Variants in IMMP2L observed in about 807,000 individuals in gnomAD.
The protein encoded by IMMP2L is inner mitochondrial membrane peptidase subunit 2.
IMMP2L carries 18 observed loss-of-function variants against 19.3 expected under a neutral mutation model. That is an observed-to-expected ratio of 0.93 (90% CI 0.64 to 1.38). The LOEUF (loss-of-function observed/expected upper bound fraction) is 1.38. Among genes scored for constraint, IMMP2L ranks in the 40% most tolerant of loss-of-function variants. IMMP2L has a pLI of 0.00. For synonymous variants in IMMP2L, 76 were observed against 73.0 expected (o/e 1.04, Z -0.21); for missense variants, 233 against 218.2 (o/e 1.07, Z -0.43).
chr7:110,922,103 T>C (rs1814358964), intron 4 of IMMP2L, among the ~76,000 whole-genome samples: 6 of 152,208 alleles, frequency 3.9e-5, no homozygotes. Flanking sequence ...AACTCTCATA[T>C]GACAGAGTGC....
At chr7:111,536,455 A>G (rs1585569865) in intron 1 of IMMP2L, among the ~76,000 whole-genome samples, 1 of 151,882 alleles carries the variant, frequency 6.6e-6, no homozygotes, top group East Asian at 1.9e-4. Context: ...ACAGATGCAC[A>G]CCACCAGGCC....
intron 5 of IMMP2L, among the ~76,000 whole-genome samples, chr7:110,798,446 C>T (rs1364030576): frequency 6.6e-6 from 1 of 151,908 alleles, no homozygotes. Context: ...TACTACCTGA[C>T]TCATAGGAGA....
intron 5 of IMMP2L, among the ~76,000 whole-genome samples, chr7:110,836,920 G>T (rs2131416450): frequency 6.6e-6 from 1 of 152,208 alleles, no homozygotes; most frequent in Non-Finnish European, 1.5e-5. Flanking sequence ...ATGGCCATGT[G>T]AATTACCACA....
intron 5 of IMMP2L, among the ~76,000 whole-genome samples, chr7:110,671,161 A>G (rs1441129436): frequency 6.6e-6 from 1 of 152,196 alleles, no homozygotes; most frequent in Non-Finnish European, 1.5e-5. Context: ...ACTTGCCCCT[A>G]TGGTAGAGTG....
intron 3 of IMMP2L, among the ~76,000 whole-genome samples, chr7:111,082,874 ATG>A (rs1563222922): frequency 1.3e-4 from 20 of 151,028 alleles, no homozygotes; most frequent in African/African-American, 4.9e-4. Context: ...AAAAAAAAAA[ATG>A]ACACGTGTTG....
intron 4 of IMMP2L, among the ~76,000 whole-genome samples, chr7:110,933,914 T>G (rs1179121433): frequency 6.6e-6 from 1 of 152,236 alleles, no homozygotes; most frequent in African/African-American, 2.4e-5. Flanking sequence ...CTTCTCTAGT[T>G]CTTTTAATTG....
chr7:110,944,054 G>C (rs945759260), intron 4 of IMMP2L, among the ~76,000 whole-genome samples: 2 of 151,940 alleles, frequency 1.3e-5, no homozygotes, highest in Non-Finnish European at 2.9e-5. Context: ...TGATACTCAG[G>C]ATTGAAGTTT....
intron 2 of IMMP2L, among the ~76,000 whole-genome samples, chr7:111,508,307 A>C (rs1183958442): frequency 6.6e-6 from 1 of 152,158 alleles, no homozygotes; most frequent in Non-Finnish European, 1.5e-5. Context: ...AAAGTTTACG[A>C]AGAAATAAAA....
chr7:111,232,785 T>C (rs181566512), intron 3 of IMMP2L, among the ~76,000 whole-genome samples: 2 of 152,062 alleles, frequency 1.3e-5, no homozygotes, highest in Non-Finnish European at 2.9e-5. Flanking sequence ...ATTAACCCTA[T>C]AGCTTATCTC....
intron 5 of IMMP2L, among the ~76,000 whole-genome samples, chr7:110,695,480 C>G (rs563632739): frequency 5.3e-5 from 8 of 152,200 alleles, no homozygotes; most frequent in African/African-American, 1.7e-4. Context: ...GCATGTAATC[C>G]ACTGTGCCCA....
At chr7:111,054,548 A>G (rs543801274) in intron 3 of IMMP2L, among the ~76,000 whole-genome samples, 3 of 152,354 alleles carry the variant, frequency 2.0e-5, no homozygotes, top group African/African-American at 7.2e-5. Context: ...AAATCCCTGC[A>G]GACATCCATG....
chr7:111,485,769 T>G (rs992411963), intron 3 of IMMP2L, among the ~76,000 whole-genome samples: 7 of 152,034 alleles, frequency 4.6e-5, no homozygotes, highest in African/African-American at 1.7e-4. Flanking sequence ...TACTCCATGA[T>G]ATGGTAGGAT....
At chr7:111,307,940 T>C (rs867671065) in intron 3 of IMMP2L, among the ~76,000 whole-genome samples, 32 of 152,054 alleles carry the variant, frequency 2.1e-4, no homozygotes, top group Middle Eastern at 3.4e-3. Context: ...TGAATACATA[T>C]ACAGAATATA....
chr7:111,407,087 T>C (rs1833962483), intron 3 of IMMP2L, among the ~76,000 whole-genome samples: 1 of 151,926 alleles, frequency 6.6e-6, no homozygotes, highest in African/African-American at 2.4e-5. Flanking sequence ...AAATGCAAAT[T>C]AAATCCAAAA....
At chr7:110,945,500 G>A (rs930784261) in intron 4 of IMMP2L, among the ~76,000 whole-genome samples, 1 of 151,938 alleles carries the variant, frequency 6.6e-6, no homozygotes, top group East Asian at 1.9e-4. Context: ...TCACGGTAAA[G>A]TATCTGCCAC....
At chr7:110,686,712 T>C (rs1179260429) in intron 5 of IMMP2L, among the ~76,000 whole-genome samples, 2 of 152,084 alleles carry the variant, frequency 1.3e-5, no homozygotes, top group African/African-American at 4.8e-5. Context: ...TGAATCCATC[T>C]GCTCCTTCCA....
chr7:110,686,941 G>A (rs563012720), intron 5 of IMMP2L, among the ~76,000 whole-genome samples: 44 of 152,080 alleles, frequency 2.9e-4, no homozygotes, highest in African/African-American at 7.0e-4. Context: ...AAGAAAAGAC[G>A]CATAGCCTGG....
At chr7:111,124,608 A>G (rs569975916) in intron 3 of IMMP2L, 1 of 1,614,016 alleles carries the variant, frequency 6.2e-7, no homozygotes, top group African/African-American at 1.3e-5. Context: ...TCACCACCAA[A>G]GGTTTGCACC....
chr7:110,900,096 T>G (rs1447079369), intron 4 of IMMP2L, among the ~76,000 whole-genome samples: 1 of 152,184 alleles, frequency 6.6e-6, no homozygotes, highest in Non-Finnish European at 1.5e-5. Context: ...AGCATAAAAT[T>G]GACTTCTATC....
Sources: allele counts gnomAD v4.1 joint callset (sites outside exome capture counted in the v4.1 genomes callset), GRCh38; gene constraint gnomAD v4.1.1; transcripts MANE v1.5; gene names NCBI Gene and HGNC (gene_info 2026-07-23, HGNC 2026-07-21).